Variants in DPYSL5 observed in about 807,000 individuals in gnomAD.
DPYSL5 encodes the protein dihydropyrimidinase like 5.
DPYSL5 carries 9 observed loss-of-function variants against 58.4 expected under a neutral mutation model. That is an observed-to-expected ratio of 0.15 (90% confidence interval 0.09 to 0.27). DPYSL5 has a LOEUF of 0.27. Ranked by LOEUF, DPYSL5 falls within the 10% of genes least tolerant of loss-of-function variation. The pLI, the probability that DPYSL5 is intolerant of heterozygous loss-of-function variation, is 1.00. For synonymous variants in DPYSL5, 293 were observed against 301.9 expected (o/e 0.97, Z 0.31); for missense variants, 499 against 770.6 (o/e 0.65, Z 4.17).
chr2:26,940,090 T>G lies in DPYSL5; in HGVS notation c.1007T>G (p.Met336Arg). 1 of 1,614,190 alleles carries G rather than the reference T, an allele frequency of 6.2e-7. No homozygotes were observed. The highest frequency in any genetic ancestry group is 8.5e-7 in the Non-Finnish European group (1 of 1,180,040). Reference protein sequence around the residue: ...HRPFTTKQKAMGKEDFTKIPH... With the variant: ...HRPFTTKQKARGKEDFTKIPH... ...CCTTTCACCACAAAGCAGAAAGCTA[T>G]GGGCAAGGAAGACTTCACCAAGATC... Residue 336 changes from methionine to arginine, a missense_variant, in exon 9 of 13, where the codon ATG (methionine) becomes AGG (arginine). Coordinates refer to ENST00000288699, the MANE Select transcript of DPYSL5 (RefSeq NM_020134.4).
At chr2:26,909,499 G>A (rs902484001) in intron 2 of DPYSL5, among the ~76,000 whole-genome samples, 1 of 152,148 alleles carries the variant, frequency 6.6e-6, no homozygotes, top group Admixed American at 6.5e-5. Flanking sequence ...TGGCTCGGTG[G>A]CTCACGCCTG....
At chr2:26,872,144 G>A (rs1331498875) in intron 1 of DPYSL5, among the ~76,000 whole-genome samples, 1 of 152,190 alleles carries the variant, frequency 6.6e-6, no homozygotes, top group African/African-American at 2.4e-5. Flanking sequence ...TTGTACACGT[G>A]TTCTAAACTT....
At chr2:26,929,424 G>A (rs1301662173) in intron 5 of DPYSL5, among the ~76,000 whole-genome samples, 3 of 152,284 alleles carry the variant, frequency 2.0e-5, no homozygotes, top group Middle Eastern at 3.4e-3. Context: ...TAGAGACGGG[G>A]TTTCACCATG....
intron 2 of DPYSL5, among the ~76,000 whole-genome samples, chr2:26,922,843 G>C (rs1572708308): frequency 6.6e-6 from 1 of 152,274 alleles, no homozygotes; most frequent in Non-Finnish European, 1.5e-5. Flanking sequence ...CCTTCTCCCG[G>C]TTCCTCTGCC....
At chr2:26,884,122 G>A (rs1663645808) in intron 1 of DPYSL5, among the ~76,000 whole-genome samples, 1 of 152,224 alleles carries the variant, frequency 6.6e-6, no homozygotes, top group African/African-American at 2.4e-5. Flanking sequence ...AAGAGCACGG[G>A]AAGCACAGCA....
At chr2:26,918,651 T>G (rs929417169) in intron 2 of DPYSL5, among the ~76,000 whole-genome samples, 1 of 152,218 alleles carries the variant, frequency 6.6e-6, no homozygotes, top group African/African-American at 2.4e-5. Flanking sequence ...CTTACCAGTT[T>G]ACAGAGCACA....
intron 2 of DPYSL5, among the ~76,000 whole-genome samples, chr2:26,918,135 CAAAAAAAAAAA>C (rs71401540): frequency 5.3e-3 from 289 of 54,112 alleles, no homozygotes; most frequent in African/African-American, 0.021. Flanking sequence ...GAGTCTGTCT[CAAAAAAAAAAA>C]AAAAAAAAAA....
intron 1 of DPYSL5, among the ~76,000 whole-genome samples, chr2:26,874,871 G>C (rs923195431): frequency 1.1e-4 from 17 of 152,174 alleles, no homozygotes; most frequent in African/African-American, 3.6e-4. Context: ...CCACAAAAAG[G>C]CCTATTAGGA....
rs1665417204 is a variant in DPYSL5, at chr2:26,944,575, G to A, written c.1441-81G>A. 4.0e-6 allele frequency: 6 copies of A among 1,498,506 alleles called. No homozygotes were observed. In the South Asian group the frequency reaches 6.4e-5, roughly 16 times the overall value. 92.8% of individuals were successfully genotyped at this position (1,498,506 alleles called of 1,614,324 possible). On this transcript the variant is annotated intron_variant, in intron 11 of 12. Coordinates refer to ENST00000288699, the MANE Select transcript of DPYSL5 (RefSeq NM_020134.4). This position sits in a 1 kb window ranked among gnomAD's most constrained non-coding sequence, Gnocchi z 4.4. The stretch of plus-strand genomic sequence containing the variant: ...AGTGGCAGTGTCTAATGTCCCACCG[G>A]CCCCCAGGGAGGCCATGGTTGTATC...
chr2:26,871,111 TA>T (rs1304179507), intron 1 of DPYSL5, among the ~76,000 whole-genome samples: 1 of 152,116 alleles, frequency 6.6e-6, no homozygotes, highest in African/African-American at 2.4e-5. Flanking sequence ...CCTGGTGAGC[TA>T]AGAATGGTTG....
At chr2:26,850,574 A>G (rs543893283) in intron 1 of DPYSL5, among the ~76,000 whole-genome samples, 1 of 148,934 alleles carries the variant, frequency 6.7e-6, no homozygotes, top group Non-Finnish European at 1.5e-5. Context: ...TTTTGTTCCC[A>G]GACTGGGCGA....
Position 26,898,837 on chromosome 2 carries a change from T to G in DPYSL5, c.261+77T>G. Reference sequence around the variant, plus strand: ...CTTCTAGGGCTGCTCCAGACTAGACTCATGTGAGCCAGGTGCTCCCAGTGT... The same window carrying G: ...CTTCTAGGGCTGCTCCAGACTAGACGCATGTGAGCCAGGTGCTCCCAGTGT... On this transcript the variant is annotated intron_variant, in intron 2 of 12. Transcript: ENST00000288699. This position sits in a 1 kb window ranked among gnomAD's most constrained non-coding sequence, Gnocchi z 6.1. 1 of 1,508,082 alleles carries G rather than the reference T, an allele frequency of 6.6e-7. No homozygotes were observed. Among genetic ancestry groups the G allele is most frequent in the Non-Finnish European group, 8.9e-7 (1 of 1,121,114 alleles). The allele number at this position is 1,508,082 out of a possible 1,614,324, so 93.4% of individuals were successfully genotyped here.
Position 26,942,940 on chromosome 2 carries a change from G to C in DPYSL5, c.1440+190G>C, listed in dbSNP as rs1665363852. On this transcript the variant is annotated intron_variant, in intron 11 of 12. Transcript: ENST00000288699. The surrounding 1 kb of genome is among the most constrained non-coding windows in gnomAD (Gnocchi z 5.9). ...CTAGAGTCAGAAAATGCTGATTTCT[G>C]TTCCCCGTCTTTGATTACCAAGTGG... is the stretch of plus-strand genomic sequence containing the variant. 6.6e-6 allele frequency among the ~76,000 whole-genome samples: 1 copy of C among 152,230 alleles called. No individual in the cohort carries two copies.
intron 11 of DPYSL5, among the ~76,000 whole-genome samples, chr2:26,943,530 T>C (rs1348095600): frequency 6.6e-6 from 1 of 152,214 alleles, no homozygotes; most frequent in African/African-American, 2.4e-5. Flanking sequence ...CCTAAAGTGC[T>C]GGGATTACAG....
intron 1 of DPYSL5, among the ~76,000 whole-genome samples, chr2:26,858,670 C>T (rs1319246603): frequency 2.6e-5 from 4 of 150,956 alleles, no homozygotes; most frequent in African/African-American, 9.7e-5. Context: ...CTCAAGCAAT[C>T]CTCTCACCTC....
In DPYSL5 at chr2:26,933,332, A is replaced by AG; in HGVS notation, c.790+1dup. Reference sequence around the variant, plus strand: ...ACGTTATCGCAGCTGCTAAGATGCAAGGTGAGTCCATAGACTTGGCTGGAC... The same window carrying AG: ...ACGTTATCGCAGCTGCTAAGATGCAAGGGTGAGTCCATAGACTTGGCTGGAC... On this transcript the variant is annotated frameshift_variant and splice_region_variant, in exon 7 of 13. Coordinates refer to ENST00000288699, the MANE Select transcript of DPYSL5 (RefSeq NM_020134.4). LOFTEE classifies it high-confidence loss of function. This position sits in a 1 kb window ranked among gnomAD's most constrained non-coding sequence, Gnocchi z 4.2. 6.2e-7 allele frequency: 1 copy of AG among 1,613,930 alleles called. No individual in the cohort carries two copies.
intron 1 of DPYSL5, among the ~76,000 whole-genome samples, chr2:26,886,428 A>T (rs1286695741): frequency 6.6e-6 from 1 of 152,176 alleles, no homozygotes; most frequent in Non-Finnish European, 1.5e-5. Flanking sequence ...AATAAATTAT[A>T]AAAAATGCAC....
intron 1 of DPYSL5, among the ~76,000 whole-genome samples, chr2:26,890,526 C>G (rs536640695): frequency 6.6e-6 from 1 of 152,176 alleles, no homozygotes; most frequent in Admixed American, 6.5e-5. Flanking sequence ...CAGCAGCCCA[C>G]GTGGAAAGCT....
At position 26,940,547 on chromosome 2, in the gene DPYSL5, T is replaced by C. The variant is rs564542415; in HGVS notation, c.1089+375T>C. ...TTTACTATGTTGTCCAGACAGGTCT[T>C]GAACTCATGGGCTCAAGCTATCCTT... On this transcript the variant is annotated intron_variant, in intron 9 of 12. Coordinates refer to ENST00000288699, the MANE Select transcript of DPYSL5 (RefSeq NM_020134.4). Among the ~76,000 whole-genome samples, 70 of 150,984 alleles carry C rather than the reference T, an allele frequency of 4.6e-4. 1 individual carries two copies. Among genetic ancestry groups the C allele is most frequent in the African/African-American group, 1.6e-3 (67 of 41,154 alleles).
Sources: gnomAD v4.1 joint callset for allele counts (sites outside exome capture counted in the v4.1 genomes callset) on GRCh38, gnomAD v4.1.1 for gene constraint, Gnocchi (gnomAD v3.1) non-coding constraint, MANE v1.5 for transcripts, NCBI Gene and HGNC (gene_info 2026-07-23, HGNC 2026-07-21) for gene names.